The following MYCBP2 variants were observed in gnomAD, a reference collection of about 807,000 sequenced individuals.
MYCBP2 encodes E3 ubiquitin-protein ligase MYCBP2.
In MYCBP2, 120 loss-of-function variants were observed where a neutral mutation model predicts 525.3. The observed-to-expected ratio is 0.23, with a 90% CI of 0.20 to 0.27. The LOEUF (loss-of-function observed/expected upper bound fraction) is 0.27. Ranked by LOEUF, MYCBP2 falls within the 10% of genes least tolerant of loss-of-function variation. The pLI is 1.00. For missense variants in MYCBP2, 4,149 were observed against 5,657.1 expected (o/e 0.73, Z 8.55); for synonymous variants, 1,894 against 1,955.8 (o/e 0.97, Z 0.83).
chr13:77,190,787 G>C (rs543829204), intron 28 of MYCBP2, among the ~76,000 whole-genome samples: 9 of 152,276 alleles, frequency 5.9e-5, no homozygotes, highest in African/African-American at 2.2e-4. Context: ...CATAACAACA[G>C]ATGTGATTTT....
chr13:77,252,944 T>C (rs2071478578), intron 14 of MYCBP2, among the ~76,000 whole-genome samples: 1 of 152,068 alleles, frequency 6.6e-6, no homozygotes, highest in Non-Finnish European at 1.5e-5. Context: ...TTACAGTCAA[T>C]GGAATCTCAA....
chr13:77,267,414 T>TTAAATA (rs2074261302), intron 8 of MYCBP2, among the ~76,000 whole-genome samples: 1 of 148,532 alleles, frequency 6.7e-6, no homozygotes, highest in African/African-American at 2.5e-5. Flanking sequence ...AAAATAAAAT[T>TTAAATA]AAATTAAATT....
intron 55 of MYCBP2, among the ~76,000 whole-genome samples, chr13:77,105,020 A>G (rs554170657): frequency 2.2e-4 from 33 of 152,278 alleles, no homozygotes; most frequent in East Asian, 1.9e-3. Context: ...TATTGTTAAA[A>G]TATCAGTTAG....
At position 77,326,604 on chromosome 13, in the gene MYCBP2, C is replaced by T. The variant is rs1304653373; in HGVS notation, c.172G>A (p.Ala58Thr). The T allele has an allele frequency of 1.3e-6, 2 of 1,581,456 alleles. No homozygotes were observed. Among genetic ancestry groups the T allele is most frequent in the South Asian group, 2.3e-5 (2 of 88,340 alleles). Residue 58 changes from alanine (A) to threonine (T), a missense_variant, in exon 1 of 83, where the codon GCG (alanine) becomes ACG (threonine). Ala to Thr is a moderately conservative substitution (Grantham distance 58). Around this residue, in one of 21 missense-constraint regions of MYCBP2, gnomAD observed 413 missense variants for 451.2 expected, o/e 0.92. Transcript: ENST00000544440. The surrounding 1 kb of genome is among the most constrained non-coding windows in gnomAD (Gnocchi z 4.2). ...AGCTGGTAGTGACCCCGGGAGTCCG[C>T]GGCGGGTAGCCCCAGCCCCAGCCCC... ...AAGLGLGLPA[A>T]DSRGHYQLLL...
intron 82 of MYCBP2, among the ~76,000 whole-genome samples, chr13:77,050,479 TG>T (rs1253857542): frequency 1.3e-5 from 2 of 152,138 alleles, no homozygotes; most frequent in East Asian, 3.9e-4. Context: ...AGCTTCTTTT[TG>T]GTTTCATACT....
rs1555465830 is a variant in MYCBP2, at chr13:77,294,131, C to CATATATACAT, written c.378+2467_378+2468insATGTATATAT. On this transcript the variant is annotated intron_variant, in intron 2 of 82. Coordinates refer to ENST00000544440, the MANE Select transcript of MYCBP2 (RefSeq NM_015057.5). ...ATATATATATATATATATATATATA[C>CATATATACAT]ATATATATATACATATATATAAAAT... 5.5e-4 allele frequency among the ~76,000 whole-genome samples: 36 copies of CATATATACAT among 65,710 alleles called. 2 individuals carry two copies. The highest frequency in any genetic ancestry group is 8.5e-4 in the African/African-American group (16 of 18,894). The allele number at this position is 65,710 out of a possible 152,430, so 43.1% of individuals were successfully genotyped here. A position where few individuals can be genotyped will look rare whatever the true frequency, so the allele number is the denominator to read the frequency against.
At chr13:77,250,770 G>A (rs2071068148) in intron 15 of MYCBP2, among the ~76,000 whole-genome samples, 1 of 152,084 alleles carries the variant, frequency 6.6e-6, no homozygotes, top group Admixed American at 6.6e-5. Flanking sequence ...TACTCTTTAT[G>A]ATATCGATAA....
intron 1 of MYCBP2, among the ~76,000 whole-genome samples, chr13:77,316,949 G>GT (rs1233366070): frequency 9.1e-6 from 1 of 109,532 alleles, no homozygotes; most frequent in Non-Finnish European, 2.5e-5. Context: ...TTCTTTTTTT[G>GT]TTGTTTTTTT....
chr13:77,166,253 T>C, intron 41 of MYCBP2, 76 bp downstream of exon 41: 1 of 1,025,172 alleles, frequency 9.8e-7, no homozygotes, highest in South Asian at 1.8e-5. Context: ...ATAAACATTT[T>C]CAATGATACA....
intron 18 of MYCBP2, among the ~76,000 whole-genome samples, chr13:77,232,161 TTATAC>T (rs1162382094): frequency 1.3e-5 from 2 of 152,162 alleles, no homozygotes; most frequent in African/African-American, 4.8e-5. Flanking sequence ...ATAAAGTGGA[TTATAC>T]TATATTGCCT....
chr13:77,131,774 G>T (rs1009192813), intron 52 of MYCBP2, among the ~76,000 whole-genome samples: 1 of 152,040 alleles, frequency 6.6e-6, no homozygotes, highest in African/African-American at 2.4e-5. Context: ...AGGCAGAAAA[G>T]TTCTGTCAAG....
intron 55 of MYCBP2, among the ~76,000 whole-genome samples, chr13:77,100,903 A>G (rs2046969858): frequency 6.6e-6 from 1 of 152,112 alleles, no homozygotes; most frequent in African/African-American, 2.4e-5. Context: ...ACAGATAAAC[A>G]GATGTGATCT....
At chr13:77,307,184 CA>C (rs776849579) in intron 1 of MYCBP2, among the ~76,000 whole-genome samples, 1 of 152,072 alleles carries the variant, frequency 6.6e-6, no homozygotes, top group Non-Finnish European at 1.5e-5. Context: ...TCCCCCATCC[CA>C]AAAGAGACAG....
chr13:77,247,484 A>C (rs1445039752), intron 15 of MYCBP2, among the ~76,000 whole-genome samples: 3 of 152,230 alleles, frequency 2.0e-5, no homozygotes, highest in Non-Finnish European at 4.4e-5. Context: ...TAATGTTTTT[A>C]AGATGTTCAT....
intron 26 of MYCBP2, among the ~76,000 whole-genome samples, chr13:77,198,619 A>G (rs2062023999): frequency 6.6e-6 from 1 of 152,222 alleles, no homozygotes; most frequent in Admixed American, 6.5e-5. Context: ...TGAATATTCA[A>G]AGAATGAACA....
chr13:77,202,907 A>C (rs2062806411), intron 26 of MYCBP2, among the ~76,000 whole-genome samples: 1 of 152,184 alleles, frequency 6.6e-6, no homozygotes, highest in Non-Finnish European at 1.5e-5. Context: ...AAATAATAAG[A>C]GCTATCTATG....
In MYCBP2 at chr13:77,251,361, T is replaced by C; in HGVS notation, c.2177-6A>G. 1 of 1,612,740 alleles carries C rather than the reference T, an allele frequency of 6.2e-7. No individual in the cohort carries two copies. Among genetic ancestry groups the C allele is most frequent in the African/African-American group, 1.3e-5 (1 of 74,974 alleles). On this transcript the variant is annotated splice_region_variant and splice_polypyrimidine_tract_variant and intron_variant, in intron 14 of 82. Transcript: ENST00000544440. ...CATATTTTCAACTCCAAACCCTATT[T>C]GACAGATCAATTTGTAATTTTTATA...
intron 5 of MYCBP2, 38 bp from the exon 6 acceptor site, chr13:77,270,576 T>A: frequency 6.5e-7 from 1 of 1,548,446 alleles, no homozygotes; most frequent in Non-Finnish European, 8.8e-7. Context: ...AAAAACATTT[T>A]TAAATGTTAC....
chr13:77,061,606 C>T lies in MYCBP2; in HGVS notation c.12903+56G>A, dbSNP rs1594130166. The T allele has an allele frequency of 1.3e-5, 20 of 1,578,140 alleles. No individual in the cohort carries two copies. The South Asian group carries it at 2.1e-4, about 17-fold the overall frequency. On this transcript the variant is annotated intron_variant, in intron 75 of 82. Transcript: ENST00000544440. Reference sequence around the variant, plus strand: ...CCTACTACACAAAGCCTCTTTCACACATTTATTTCAAAATTCACTGAACAT... The same window carrying T: ...CCTACTACACAAAGCCTCTTTCACATATTTATTTCAAAATTCACTGAACAT...
Sources: gnomAD v4.1 joint callset for allele counts (sites outside exome capture counted in the v4.1 genomes callset) on GRCh38, gnomAD v4.1.1 for gene constraint, gnomAD v4.1.1 regional missense constraint, Gnocchi (gnomAD v3.1) non-coding constraint, MANE v1.5 for transcripts, NCBI Gene and HGNC (gene_info 2026-07-23, HGNC 2026-07-21) for gene names.